Variants in NCKAP5 observed in about 807,000 individuals in gnomAD.
NCKAP5 encodes the protein NCK associated protein 5.
In NCKAP5, 92 loss-of-function variants were observed where a neutral mutation model predicts 167.0. The observed-to-expected ratio is 0.55, with a 90% confidence interval of 0.47 to 0.66. The LOEUF (loss-of-function observed/expected upper bound fraction) is 0.66, where lower values mean the gene tolerates loss of function less well. NCKAP5 is among the 30% of genes least tolerant of loss of function. The pLI is 0.00. For missense variants in NCKAP5, 2,378 were observed against 2,315.0 expected (o/e 1.03, Z -0.56); for synonymous variants, 891 against 877.4 (o/e 1.02, Z -0.27).
At chr2:133,207,429 C>T (rs1157230156) in intron 5 of NCKAP5, among the ~76,000 whole-genome samples, 2 of 152,124 alleles carry the variant, frequency 1.3e-5, no homozygotes, top group Non-Finnish European at 2.9e-5. Flanking sequence ...TAGGCAGTCA[C>T]TGCATTCCTG....
intron 5 of NCKAP5, among the ~76,000 whole-genome samples, chr2:133,175,004 G>T (rs908276736): frequency 6.6e-6 from 1 of 152,168 alleles, no homozygotes; most frequent in African/African-American, 2.4e-5. Context: ...ATGAGTGTCT[G>T]TTTTCCCACA....
chr2:133,510,964 G>A (rs1655021552), intron 3 of NCKAP5, among the ~76,000 whole-genome samples: 1 of 152,198 alleles, frequency 6.6e-6, no homozygotes, highest in Admixed American at 6.5e-5. Context: ...AAAGTATTGA[G>A]CAGCATGCCT....
chr2:133,031,141 T>C (rs6751709), intron 6 of NCKAP5, among the ~76,000 whole-genome samples: 9,443 of 151,984 alleles, frequency 0.062, 952 homozygotes, highest in African/African-American at 0.21. Context: ...GTACCAAAAA[T>C]CAGGGGAGTA....
the NCKAP5 span, among the ~76,000 whole-genome samples, chr2:133,654,381 T>TAAAG: frequency 0.01 from 1,284 of 126,262 alleles, 15 homozygotes; most frequent in African/African-American, 0.036. Context: ...CTATCTCAAA[T>TAAAG]AAATAAATAA....
intron 4 of NCKAP5, among the ~76,000 whole-genome samples, chr2:133,291,817 G>A (rs1390769972): frequency 1.3e-5 from 2 of 152,170 alleles, no homozygotes; most frequent in Non-Finnish European, 2.9e-5. Context: ...CTCTACCAAC[G>A]ACTTTTCATT....
intron 3 of NCKAP5, among the ~76,000 whole-genome samples, chr2:133,400,077 T>C (rs531708895): frequency 3.9e-5 from 6 of 152,320 alleles, no homozygotes; most frequent in South Asian, 2.1e-4. Context: ...TTATGTTTGG[T>C]TCTAAATATC....
Position 133,136,560 on chromosome 2 carries a change from A to C in NCKAP5, c.208-6449T>G, listed in dbSNP as rs371993876. 5.9e-5 allele frequency among the ~76,000 whole-genome samples: 9 copies of C among 152,324 alleles called. No individual in the cohort carries two copies. In the East Asian group the frequency reaches 1.7e-3, roughly 29 times the overall value. Reference sequence around the variant, plus strand: ...TGAAGATACATGATAATTGAGAAGTAATCGCTATATGTCTGTTTCAAAAGA... The same window carrying C: ...TGAAGATACATGATAATTGAGAAGTCATCGCTATATGTCTGTTTCAAAAGA... On this transcript the variant is annotated intron_variant, in intron 5 of 19. Coordinates refer to ENST00000409261, the MANE Select transcript of NCKAP5 (RefSeq NM_207363.3).
At chr2:133,120,894 G>T (rs1003199235) in intron 6 of NCKAP5, among the ~76,000 whole-genome samples, 7 of 152,104 alleles carry the variant, frequency 4.6e-5, no homozygotes, top group African/African-American at 1.7e-4. Context: ...CCTAAGTCTA[G>T]CAGAATTCTG....
chr2:132,874,931 G>T (rs546123089), intron 9 of NCKAP5, among the ~76,000 whole-genome samples: 1 of 148,944 alleles, frequency 6.7e-6, no homozygotes, highest in Admixed American at 6.6e-5. Flanking sequence ...TTTATTGCCT[G>T]TAGCTTTATA....
chr2:133,670,136 G>C, the NCKAP5 span, among the ~76,000 whole-genome samples: 33 of 152,290 alleles, frequency 2.2e-4, no homozygotes, highest in East Asian at 5.8e-3. Context: ...CTGTGACTTG[G>C]GGAAGCCACT....
intron 2 of NCKAP5, among the ~76,000 whole-genome samples, chr2:133,547,122 C>A (rs931381992): frequency 6.6e-6 from 1 of 152,168 alleles, no homozygotes; most frequent in Non-Finnish European, 1.5e-5. Flanking sequence ...GTGACGGACG[C>A]ACCTGGAAAA....
At chr2:133,107,952 C>G (rs1439103921) in intron 6 of NCKAP5, among the ~76,000 whole-genome samples, 2 of 152,196 alleles carry the variant, frequency 1.3e-5, no homozygotes, top group South Asian at 2.1e-4. Flanking sequence ...CCAATAGTCT[C>G]TAATATTTAA....
intron 3 of NCKAP5, among the ~76,000 whole-genome samples, chr2:133,461,517 G>A (rs537365754): frequency 1.3e-5 from 2 of 152,100 alleles, no homozygotes; most frequent in African/African-American, 4.8e-5. Flanking sequence ...TAGATCAATG[G>A]GACAGATCTC....
At chr2:133,672,586 T>C in the NCKAP5 span, among the ~76,000 whole-genome samples, 1 of 152,196 alleles carries the variant, frequency 6.6e-6, no homozygotes, top group African/African-American at 2.4e-5. Flanking sequence ...AAACTTTTCC[T>C]TTAAAGAACC....
intron 7 of NCKAP5, among the ~76,000 whole-genome samples, chr2:132,980,897 A>G (rs2077117569): frequency 6.6e-6 from 1 of 152,234 alleles, no homozygotes; most frequent in African/African-American, 2.4e-5. Context: ...ATGTTTATAA[A>G]TTATTTTTAT....
intron 3 of NCKAP5, among the ~76,000 whole-genome samples, chr2:133,323,351 A>G: frequency 6.6e-6 from 1 of 152,178 alleles, no homozygotes; most frequent in East Asian, 1.9e-4. Context: ...TTTACATATC[A>G]TATTGCACTT....
At chr2:133,667,207 G>A in the NCKAP5 span, among the ~76,000 whole-genome samples, 32 of 151,834 alleles carry the variant, frequency 2.1e-4, 1 homozygote, top group African/African-American at 7.5e-4. Context: ...CTAATGAAAT[G>A]AGAACATGTT....
At chr2:133,566,495 A>C (rs1169027763) in intron 1 of NCKAP5, among the ~76,000 whole-genome samples, 1 of 152,208 alleles carries the variant, frequency 6.6e-6, no homozygotes, top group Admixed American at 6.5e-5. Context: ...CACCTTAAGA[A>C]ATGTAACGAG....
At chr2:133,520,181 G>A (rs941905495) in intron 2 of NCKAP5, among the ~76,000 whole-genome samples, 1 of 152,126 alleles carries the variant, frequency 6.6e-6, no homozygotes, top group African/African-American at 2.4e-5. Flanking sequence ...GCTACAGAGC[G>A]AGACTCCATC....
Sources: gnomAD v4.1 joint callset for allele counts (sites outside exome capture counted in the v4.1 genomes callset) on GRCh38, gnomAD v4.1.1 for gene constraint, MANE v1.5 for transcripts, NCBI Gene and HGNC (gene_info 2026-07-23, HGNC 2026-07-21) for gene names.